Variants in RPS3A observed in about 807,000 individuals in gnomAD.
RPS3A encodes the protein ribosomal protein S3A.
RPS3A carries 1 observed loss-of-function variant against 26.4 expected under a neutral mutation model. The observed-to-expected ratio is 0.04, with a 90% confidence interval of 0.01 to 0.18. RPS3A has a LOEUF of 0.18. Among genes scored for constraint, RPS3A ranks in the 10% least tolerant of loss-of-function variants. The probability of loss-of-function intolerance (pLI) is 1.00; values close to 1 mark genes in which losing one functional copy is unlikely to be tolerated. For synonymous variants in RPS3A, 97 were observed against 106.1 expected, an observed-to-expected ratio of 0.91 and a Z score of 0.53; for missense variants, 139 against 326.8, an observed-to-expected ratio of 0.43 and a Z score of 4.43.
chr4:151,100,084 CTTGG>C, intron 1 of RPS3A: 1 of 532,206 alleles, frequency 1.9e-6, no homozygotes, highest in South Asian at 1.5e-5. Context: ...CTCGCCTTTG[CTTGG>C]TCCCGCTGGA....
chr4:151,102,034 A>G, intron 3 of RPS3A: 1 of 517,980 alleles, frequency 1.9e-6, no homozygotes, highest in African/African-American at 1.9e-5. Flanking sequence ...CACCTGGCAC[A>G]GTTCGAATAT....
intron 3 of RPS3A, 97 bp from the exon 4 acceptor site, chr4:151,102,774 A>G: frequency 1.6e-6 from 2 of 1,279,340 alleles, no homozygotes; most frequent in Non-Finnish European, 2.1e-6. Context: ...TATATTTAAT[A>G]ATGAGTGTTT....
intron 1 of RPS3A, 89 bp downstream of exon 1, chr4:151,099,803 G>A (rs1747033663): frequency 4.4e-6 from 6 of 1,367,958 alleles, no homozygotes; most frequent in Admixed American, 3.9e-5. Flanking sequence ...GCCGGATGGC[G>A]AGGATTCCAG....
In RPS3A at chr4:151,100,939, C is replaced by T. The variant is rs1044173367; in HGVS notation, c.167-36C>T. On this transcript the variant is annotated intron_variant, in intron 2 of 5. Coordinates refer to ENST00000274065, the MANE Select transcript of RPS3A (RefSeq NM_001006.5). ...CAGGCTTGACTTTGCTTATATGGTT[C>T]CTAAATGTTAAGATACTTGTTTTTT... The T allele has an allele frequency of 3.4e-6, 5 of 1,484,318 alleles. No homozygotes were observed. The Admixed American group carries it at 5.4e-5, about 16-fold the overall frequency. The allele number at this position is 1,484,318 out of a possible 1,614,324, so 91.9% of individuals were successfully genotyped here.
Position 151,100,567 on chromosome 4 carries a change from G to A in RPS3A, c.145G>A (p.Val49Ile). The change falls in exon 2 of 6, where the codon GTC (valine) becomes ATC (isoleucine). Residue 49 changes from valine to isoleucine, a missense_variant. Physicochemically the swap from Val to Ile is conservative, Grantham distance 29. Transcript: ENST00000274065. The stretch of plus-strand genomic sequence containing the variant: ...TATAAGAAATATTGGAAAGACGCTC[G>A]TCACCAGGACCCAAGGAACCAGTAA... Reference protein sequence around the residue: ...FNIRNIGKTLVTRTQGTKIAS... With the variant: ...FNIRNIGKTLITRTQGTKIAS... 6.3e-7 allele frequency: 1 copy of A among 1,594,982 alleles called. No homozygotes were observed. Among genetic ancestry groups the A allele is most frequent in the Non-Finnish European group, 8.6e-7 (1 of 1,162,608 alleles).
intron 3 of RPS3A, chr4:151,102,262 A>G: frequency 4.0e-6 from 1 of 249,622 alleles, no homozygotes; most frequent in Non-Finnish European, 8.0e-6. Context: ...AGTTTTCATC[A>G]CTACCCAAGA....
At chr4:151,101,488 GAC>G in intron 3 of RPS3A, among the ~76,000 whole-genome samples, 1 of 152,108 alleles carries the variant, frequency 6.6e-6, no homozygotes, top group Non-Finnish European at 1.5e-5. Context: ...GATGTTTTTT[GAC>G]CTCAGAATTG....
At chr4:151,103,765 T>C (rs904912714) in intron 4 of RPS3A, 23 of 1,300,996 alleles carry the variant, frequency 1.8e-5, no homozygotes, top group South Asian at 2.4e-5. Context: ...TATATATATA[T>C]ACACACACAA....
At chr4:151,104,037 T>G (rs1000407038) in intron 4 of RPS3A, 140 bp from the exon 5 acceptor site, 3 of 1,488,456 alleles carry the variant, frequency 2.0e-6, no homozygotes, top group Admixed American at 5.0e-5. Context: ...ATGGCTTATC[T>G]TAACAGGAGG....
intron 1 of RPS3A, chr4:151,100,084 C>T: frequency 3.8e-6 from 2 of 532,206 alleles, no homozygotes; most frequent in South Asian, 3.1e-5. Flanking sequence ...CTCGCCTTTG[C>T]TTGGTCCCGC....
At chr4:151,101,966 C>A (rs749409936) in intron 3 of RPS3A, 6 of 461,446 alleles carry the variant, frequency 1.3e-5, no homozygotes, top group African/African-American at 4.1e-5. Flanking sequence ...CTCCTGACTT[C>A]AAGTGATCTG....
chr4:151,099,904 A>C, intron 1 of RPS3A, 190 bp downstream of exon 1: 9 of 598,610 alleles, frequency 1.5e-5, no homozygotes, highest in East Asian at 3.6e-5. Context: ...TGCCTTTCCC[A>C]GGCCTTCTGG....
Position 151,099,630 on chromosome 4 carries a change from C to CT in RPS3A, c.-19dup, listed in dbSNP as rs1561163494. The CT allele has an allele frequency of 1.2e-6, 2 of 1,612,540 alleles. No homozygotes were observed. Among genetic ancestry groups the CT allele is most frequent in the Non-Finnish European group, 1.7e-6 (2 of 1,179,476 alleles). ...TTCTCGCGCGACTCCCACTTCCGCC[C>CT]TTTTGGCTCTCTGACCAGCACCATG... On this transcript the variant is annotated 5_prime_UTR_variant, in exon 1 of 6. Coordinates refer to ENST00000274065, the MANE Select transcript of RPS3A (RefSeq NM_001006.5).
At position 151,104,450 on chromosome 4, in the gene RPS3A, T is replaced by TTG. The variant is rs1554025683; in HGVS notation, c.674-21_674-20insGT. On this transcript the variant is annotated intron_variant, in intron 5 of 5. Coordinates refer to ENST00000274065, the MANE Select transcript of RPS3A (RefSeq NM_001006.5). ...CTAACAGTTTTTTGGTTTTTTTTTT[T>TTG]TTTTTTTTTTTTGCCTTTTAGTGGG... 8 of 1,397,922 alleles carry TTG rather than the reference T, an allele frequency of 5.7e-6. No individual in the cohort carries two copies. The African/African-American group carries it at 9.1e-5, about 16-fold the overall frequency. 86.6% of individuals were successfully genotyped at this position (1,397,922 alleles called of 1,614,324 possible). A position where few individuals can be genotyped will look rare whatever the true frequency, so the allele number is the denominator to read the frequency against.
At chr4:151,103,311 G>T in intron 4 of RPS3A, 2 of 812,092 alleles carry the variant, frequency 2.5e-6, no homozygotes, top group Non-Finnish European at 3.4e-6. Context: ...GTGCAGTATT[G>T]TGATCCTCCT....
In RPS3A at chr4:151,099,724, G is replaced by A; in HGVS notation, c.62+10G>A. 6.2e-7 allele frequency: 1 copy of A among 1,610,058 alleles called. No homozygotes were observed. The highest frequency in any genetic ancestry group is 1.3e-5 in the African/African-American group (1 of 74,964). On this transcript the variant is annotated intron_variant, in intron 1 of 5. Transcript: ENST00000274065. ...GAGCCAAGAAGAAAGTGTAAGTCGC[G>A]ACTGTCGTGGCGTCTTGCTTTTTGG...
At chr4:151,102,391 A>G (rs1418300696) in intron 3 of RPS3A, among the ~76,000 whole-genome samples, 1 of 152,200 alleles carries the variant, frequency 6.6e-6, no homozygotes, top group Admixed American at 6.5e-5. Flanking sequence ...GGAACATAAA[A>G]GACGTCTTTC....
At position 151,101,931 on chromosome 4, in the gene RPS3A, C is replaced by T. The variant is rs568943690; in HGVS notation, c.354+769C>T. ...TATTTTTAGTAGAGACAGGGTTTCA[C>T]CATATTGGCCAGGCTGGTCTCGAAC... On this transcript the variant is annotated intron_variant, in intron 3 of 5. Transcript: ENST00000274065. 6 of 373,042 alleles carry T rather than the reference C, an allele frequency of 1.6e-5. 1 individual carries two copies. Among genetic ancestry groups the T allele is most frequent in the Middle Eastern group, 1.5e-3 (2 of 1,354 alleles). The allele number at this position is 373,042 out of a possible 1,614,324, so 23.1% of individuals were successfully genotyped here.
chr4:151,100,544 T>C lies in RPS3A; in HGVS notation c.122T>C (p.Ile41Thr). Residue 41 changes from isoleucine (I) to threonine (T), a missense_variant, in exon 2 of 6, where the codon ATA (isoleucine) becomes ACA (threonine). By Grantham distance (89) the Ile-to-Thr change is moderately conservative (BLOSUM62 -1). Transcript: ENST00000274065. ...GTGAAAGCACCTGCTATGTTCAATA[T>C]AAGAAATATTGGAAAGACGCTCGTC... ...YDVKAPAMFNIRNIGKTLVTR... is the reference protein window; with the variant it reads ...YDVKAPAMFNTRNIGKTLVTR... The C allele has an allele frequency of 1.2e-6, 2 of 1,607,874 alleles. No homozygotes were observed. The highest frequency in any genetic ancestry group is 1.7e-6 in the Non-Finnish European group (2 of 1,174,308).
Sources: gnomAD v4.1 joint callset for allele counts (sites outside exome capture counted in the v4.1 genomes callset) on GRCh38, gnomAD v4.1.1 for gene constraint, MANE v1.5 for transcripts, NCBI Gene and HGNC (gene_info 2026-07-23, HGNC 2026-07-21) for gene names.